Variants in PRMT3 observed in about 807,000 individuals in gnomAD.
PRMT3 encodes the protein protein arginine N-methyltransferase 3.
A neutral mutation model predicts 71.9 loss-of-function variants in PRMT3; 62 were observed. The observed-to-expected ratio is 0.86, with a 90% CI of 0.70 to 1.07. The LOEUF (loss-of-function observed/expected upper bound fraction) is 1.07. Among genes scored for constraint, PRMT3 ranks in the 50% least tolerant of loss-of-function variants. PRMT3 has a pLI of 0.00. For synonymous variants in PRMT3, 213 were observed against 220.4 expected, an observed-to-expected ratio of 0.97 and a Z score of 0.30; for missense variants, 663 against 643.0, an observed-to-expected ratio of 1.03 and a Z score of -0.34.
chr11:20,409,654 A>ACACACACACAC (rs1555008187), intron 9 of PRMT3, among the ~76,000 whole-genome samples: 1 of 144,236 alleles, frequency 6.9e-6, no homozygotes, highest in African/African-American at 2.6e-5. Context: ...GGAATACACA[A>ACACACACACAC]ACACACACAC....
chr11:20,407,281 T>G (rs1416817208), intron 8 of PRMT3: 2 of 152,232 alleles, frequency 1.3e-5, no homozygotes, highest in African/African-American at 4.8e-5. Flanking sequence ...TTATATACTG[T>G]TCTATTGTGT....
intron 9 of PRMT3, among the ~76,000 whole-genome samples, chr11:20,417,740 C>G (rs567821681): frequency 6.7e-6 from 1 of 150,318 alleles, no homozygotes; most frequent in South Asian, 2.1e-4. Context: ...CTAAACTGTT[C>G]AGTTATTTAA....
chr11:20,476,527 G>A (rs527983368), intron 13 of PRMT3, among the ~76,000 whole-genome samples: 10 of 152,158 alleles, frequency 6.6e-5, no homozygotes, highest in Admixed American at 5.9e-4. Context: ...TAAATTTTAC[G>A]GCCAACATTC....
At chr11:20,458,546 T>C (rs1008977960) in intron 11 of PRMT3, among the ~76,000 whole-genome samples, 5 of 152,182 alleles carry the variant, frequency 3.3e-5, no homozygotes, top group Non-Finnish European at 5.9e-5. Flanking sequence ...TATTCAATTA[T>C]AGCTTCTATC....
chr11:20,482,952 G>C (rs1178096144), intron 13 of PRMT3, among the ~76,000 whole-genome samples: 1 of 151,958 alleles, frequency 6.6e-6, no homozygotes, highest in Non-Finnish European at 1.5e-5. Context: ...CTATATATCA[G>C]GTACATAACA....
intron 10 of PRMT3, among the ~76,000 whole-genome samples, chr11:20,451,527 A>T (rs942761830): frequency 6.6e-6 from 1 of 151,878 alleles, no homozygotes; most frequent in Admixed American, 6.6e-5. Flanking sequence ...GAAAGTCACT[A>T]GACAGGAAAT....
At chr11:20,414,895 C>T (rs1849268760) in intron 9 of PRMT3, among the ~76,000 whole-genome samples, 1 of 152,096 alleles carries the variant, frequency 6.6e-6, no homozygotes, top group African/African-American at 2.4e-5. Flanking sequence ...GCTTTATCCT[C>T]ATCTTTTTAT....
At chr11:20,406,455 T>G (rs1259004544) in intron 8 of PRMT3, 2 of 152,252 alleles carry the variant, frequency 1.3e-5, no homozygotes, top group Non-Finnish European at 2.9e-5. Context: ...GATTTGACCT[T>G]GTTACAGCGA....
intron 11 of PRMT3, among the ~76,000 whole-genome samples, chr11:20,453,481 GAAA>G (rs577245603): frequency 8.3e-6 from 1 of 120,226 alleles, no homozygotes. Flanking sequence ...CTCCATCTCA[GAAA>G]AAAAAAAAAA....
intron 10 of PRMT3, among the ~76,000 whole-genome samples, chr11:20,442,837 G>C (rs1354399058): frequency 1.3e-5 from 2 of 152,072 alleles, no homozygotes; most frequent in Non-Finnish European, 2.9e-5. Flanking sequence ...AAATAATATT[G>C]TATTGAATAT....
At chr11:20,457,124 CT>C (rs1302555594) in intron 11 of PRMT3, among the ~76,000 whole-genome samples, 3 of 152,092 alleles carry the variant, frequency 2.0e-5, no homozygotes, top group African/African-American at 7.2e-5. Flanking sequence ...GCTTGCTTTC[CT>C]TTTTGGTGTT....
intron 9 of PRMT3, among the ~76,000 whole-genome samples, chr11:20,411,287 T>G (rs1311212278): frequency 2.0e-5 from 3 of 152,104 alleles, no homozygotes; most frequent in African/African-American, 7.2e-5. Context: ...TTCAGTCTTT[T>G]CTGTGTGTAT....
chr11:20,387,928 G>C lies in PRMT3; in HGVS notation c.29-91G>C. 1 of 1,593,690 alleles carries C rather than the reference G, an allele frequency of 6.3e-7. No individual in the cohort carries two copies. The highest frequency in any genetic ancestry group is 8.6e-7 in the Non-Finnish European group (1 of 1,169,570). On this transcript the variant is annotated intron_variant, in intron 1 of 15. Transcript: ENST00000331079. The surrounding 1 kb of genome is among the most constrained non-coding windows in gnomAD (Gnocchi z 4.3). ...GCTGAGTGAGGGCCGCGGGCGAACG[G>C]GGCGGAGGAGAGCCCATCGTCACCT...
chr11:20,426,874 TTA>T lies in PRMT3; in HGVS notation c.993+12_993+13del, dbSNP rs931887464. 7 of 1,519,734 alleles carry T rather than the reference TTA, an allele frequency of 4.6e-6. No homozygotes were observed. Among genetic ancestry groups the T allele is most frequent in the Non-Finnish European group, 6.1e-6 (7 of 1,146,214 alleles). The allele number at this position is 1,519,734 out of a possible 1,614,324, so 94.1% of individuals were successfully genotyped here. A position where few individuals can be genotyped will look rare whatever the true frequency, so the allele number is the denominator to read the frequency against. On this transcript the variant is annotated intron_variant, in intron 10 of 15. Coordinates refer to ENST00000331079, the MANE Select transcript of PRMT3 (RefSeq NM_005788.4). The stretch of plus-strand genomic sequence containing the variant: ...TCATATCTGAGTGGATGGTGAGTGT[TTA>T]TAGAAAAAACTACTTTCACTGGTAA...
At chr11:20,430,764 A>G (rs897283798) in intron 10 of PRMT3, among the ~76,000 whole-genome samples, 4 of 152,188 alleles carry the variant, frequency 2.6e-5, no homozygotes, top group African/African-American at 9.6e-5. Context: ...TTTTTCATAT[A>G]CAATACAATA....
At chr11:20,448,098 G>A (rs1386503932) in intron 10 of PRMT3, among the ~76,000 whole-genome samples, 2 of 152,134 alleles carry the variant, frequency 1.3e-5, no homozygotes, top group Admixed American at 1.3e-4. Context: ...TAGGAGGGTG[G>A]AAATCGTAGA....
intron 13 of PRMT3, among the ~76,000 whole-genome samples, chr11:20,483,550 T>G: frequency 2.7e-5 from 1 of 36,510 alleles, no homozygotes; most frequent in African/African-American, 1.3e-4. Flanking sequence ...ATGGCAGAGA[T>G]TGCCAAAAAA....
intron 10 of PRMT3, 67 bp downstream of exon 10, chr11:20,426,932 T>C (rs1849560118): frequency 6.9e-7 from 1 of 1,447,124 alleles, no homozygotes; most frequent in East Asian, 2.9e-5. Flanking sequence ...GTAATAGTTT[T>C]CATGAATTTA....
intron 6 of PRMT3, 92 bp from the exon 7 acceptor site, chr11:20,397,485 T>TC: frequency 7.7e-7 from 1 of 1,303,792 alleles, no homozygotes; most frequent in Non-Finnish European, 1.1e-6. Flanking sequence ...CACACTGTAC[T>TC]CCCTCCCCTT....
Sources: allele counts gnomAD v4.1 joint callset (sites outside exome capture counted in the v4.1 genomes callset), GRCh38; gene constraint gnomAD v4.1.1; non-coding constraint Gnocchi (gnomAD v3.1); transcripts MANE v1.5; gene names NCBI Gene and HGNC (gene_info 2026-07-23, HGNC 2026-07-21).